Variants in ZNF710 observed in about 807,000 individuals in gnomAD.
ZNF710 encodes zinc finger protein 710.
Under a neutral mutation model 50.6 loss-of-function variants are expected in ZNF710, and 13 were observed. The observed-to-expected ratio is 0.26, with a 90% CI of 0.17 to 0.41. The LOEUF is 0.41. Ranked by LOEUF, ZNF710 falls within the 10% of genes least tolerant of loss-of-function variation. The pLI, the probability that ZNF710 is intolerant of heterozygous loss-of-function variation, is 1.00. For missense variants in ZNF710, 721 were observed against 936.6 expected (o/e 0.77, Z 3.01); for synonymous variants, 383 against 397.0 (o/e 0.96, Z 0.42).
At position 90,067,518 on chromosome 15, in the gene ZNF710, A is replaced by G. The variant is rs1312110780; in HGVS notation, c.381A>G (p.Pro127=). 5 of 1,613,440 alleles carry G rather than the reference A, an allele frequency of 3.1e-6. No individual in the cohort carries two copies. The highest frequency in any genetic ancestry group is 2.2e-5 in the East Asian group (1 of 44,878). ...AGGAGGTCTATGAGGTTTCTGTGCC[A>G]GGTGACGACAAGGACGCAGGGCCAG... ...EEQEVYEVSV[P]GDDKDAGPAE... The change falls in exon 2 of 5, where the codon CCA becomes CCG. Residue 127 remains proline (P), a synonymous_variant. Transcript: ENST00000268154. The surrounding 1 kb of genome is among the most constrained non-coding windows in gnomAD (Gnocchi z 8.1).
At chr15:90,051,372 G>T (rs555597738) in intron 1 of ZNF710, among the ~76,000 whole-genome samples, 2 of 152,036 alleles carry the variant, frequency 1.3e-5, no homozygotes, top group Non-Finnish European at 2.9e-5. Context: ...AGTGGTTCAC[G>T]CCTGCAATCC....
Position 90,075,058 on chromosome 15 carries a change from G to C in ZNF710, c.1825+768G>C, listed in dbSNP as rs78610698. On this transcript the variant is annotated intron_variant, in intron 4 of 4. Coordinates refer to ENST00000268154, the MANE Select transcript of ZNF710 (RefSeq NM_198526.4). ...GTCAGAAAACATCCCAAGTGTTAGC[G>C]GTAGCCTTTCCCTCCAGCAGTGGTC... is the stretch of plus-strand genomic sequence containing the variant. The C allele has an allele frequency of 9.8e-3, 1,578 of 161,534 alleles. 23 individuals are homozygous for C. The highest frequency in any genetic ancestry group is 0.035 in the African/African-American group (1,470 of 41,554). 10.0% of individuals were successfully genotyped at this position (161,534 alleles called of 1,614,324 possible).
intron 2 of ZNF710, among the ~76,000 whole-genome samples, chr15:90,069,349 A>G (rs1900299254): frequency 6.6e-6 from 1 of 152,044 alleles, no homozygotes; most frequent in Admixed American, 6.6e-5. Context: ...CTGAGGTTGC[A>G]GTGAGCTGAA....
intron 1 of ZNF710, among the ~76,000 whole-genome samples, chr15:90,060,475 G>C (rs1325979897): frequency 6.6e-6 from 1 of 151,130 alleles, no homozygotes; most frequent in Non-Finnish European, 1.5e-5. Flanking sequence ...GATTGCCTGA[G>C]CCCAGGAGTT....
intron 1 of ZNF710, among the ~76,000 whole-genome samples, chr15:90,004,062 G>A (rs1484529947): frequency 6.6e-6 from 1 of 152,156 alleles, no homozygotes. Context: ...TGAGTCCTCA[G>A]CCCACGGTGT....
chr15:90,015,841 A>G (rs1425532708), intron 1 of ZNF710, among the ~76,000 whole-genome samples: 1 of 152,054 alleles, frequency 6.6e-6, no homozygotes, highest in African/African-American at 2.4e-5. Flanking sequence ...GAACTCCTGG[A>G]CTCAAGCAAT....
At position 90,033,980 on chromosome 15, in the gene ZNF710, T is replaced by C. The variant is rs1279947523; in HGVS notation, c.-29+32366T>C. 2.6e-5 allele frequency among the ~76,000 whole-genome samples: 4 copies of C among 152,120 alleles called. 1 individual carries two copies. Among genetic ancestry groups the C allele is most frequent in the African/African-American group, 9.7e-5 (4 of 41,426 alleles). ...ACTTCTGAAGGCCGAGGCAGGCAGA[T>C]CACTTGAGGTCAGGAGTTCAAGACC... On this transcript the variant is annotated intron_variant, in intron 1 of 4. Coordinates refer to ENST00000268154, the MANE Select transcript of ZNF710 (RefSeq NM_198526.4).
At chr15:90,079,108 G>T (rs1466402357) in intron 4 of ZNF710, among the ~76,000 whole-genome samples, 1 of 152,200 alleles carries the variant, frequency 6.6e-6, no homozygotes. Flanking sequence ...GTGTGAGGCA[G>T]AGCAGCACAG....
chr15:90,000,784 G>A (rs1445690793), upstream of ZNF710, among the ~76,000 whole-genome samples: 3 of 152,110 alleles, frequency 2.0e-5, no homozygotes, highest in Non-Finnish European at 4.4e-5. Context: ...GGAAGGAACC[G>A]GCACCCAGGA....
At chr15:90,014,418 T>G (rs189624731) in intron 1 of ZNF710, among the ~76,000 whole-genome samples, 48 of 151,746 alleles carry the variant, frequency 3.2e-4, no homozygotes, top group Middle Eastern at 3.4e-3. Context: ...GGTGTGTTCC[T>G]GTAATCCCAG....
rs1171218993 is a variant in ZNF710 at position 90,080,487 on chromosome 15, T to C, written c.*658T>C. On this transcript the variant is annotated 3_prime_UTR_variant, in exon 5 of 5. Coordinates refer to ENST00000268154, the MANE Select transcript of ZNF710 (RefSeq NM_198526.4). ...TCCTACATCCCTTTCTGGAAGTGAGTGTCCCTACAGTGGATTGCAACACAT... is the reference window on the plus strand; with the variant it reads ...TCCTACATCCCTTTCTGGAAGTGAGCGTCCCTACAGTGGATTGCAACACAT... 6.5e-6 allele frequency: 1 copy of C among 152,676 alleles called. No homozygotes were observed. The highest frequency in any genetic ancestry group is 1.5e-5 in the Non-Finnish European group (1 of 68,074). The allele number at this position is 152,676 out of a possible 1,614,324, so 9.5% of individuals were successfully genotyped here. A position where few individuals can be genotyped will look rare whatever the true frequency, so the allele number is the denominator to read the frequency against.
chr15:90,052,756 C>T (rs1899685398), intron 1 of ZNF710, among the ~76,000 whole-genome samples: 1 of 152,122 alleles, frequency 6.6e-6, no homozygotes, highest in Non-Finnish European at 1.5e-5. Context: ...CATGGTGAAA[C>T]CCCATTTCTA....
In ZNF710 at chr15:90,074,118, G is replaced by A. The variant is rs1490454995; in HGVS notation, c.1653G>A (p.Val551=). 1 of 1,612,942 alleles carries A rather than the reference G, an allele frequency of 6.2e-7. No individual in the cohort carries two copies. Among genetic ancestry groups the A allele is most frequent in the African/African-American group, 1.3e-5 (1 of 74,844 alleles). ...HSPVKPFKCK[V]CGKSFNRMYN... is the part of the protein sequence containing the mutation. ...GACACCGGGTTGATGTGTTCTAGGT[G>A]TGCGGGAAGTCCTTCAACCGCATGT... The change falls in exon 4 of 5, where the codon GTG becomes GTA. Residue 551 remains valine, a splice_region_variant and synonymous_variant. Transcript: ENST00000268154.
chr15:90,070,820 A>C (rs1253057087), intron 2 of ZNF710, among the ~76,000 whole-genome samples: 1 of 152,216 alleles, frequency 6.6e-6, no homozygotes, highest in African/African-American at 2.4e-5. Context: ...CTCTGTCTCC[A>C]AAAAGAGAAA....
At chr15:90,071,875 C>T (rs1210989055) in intron 2 of ZNF710, among the ~76,000 whole-genome samples, 1 of 152,014 alleles carries the variant, frequency 6.6e-6, no homozygotes, top group East Asian at 1.9e-4. Flanking sequence ...AGGGTTTCAC[C>T]ATGTTGGCCA....
intron 1 of ZNF710, among the ~76,000 whole-genome samples, chr15:90,005,104 A>G (rs538176406): frequency 5.9e-5 from 9 of 152,358 alleles, no homozygotes; most frequent in African/African-American, 1.7e-4. Context: ...ACTGATTTCC[A>G]TCTGTGGGTT....
intron 1 of ZNF710, among the ~76,000 whole-genome samples, chr15:90,033,880 ACTTT>A (rs1899023463): frequency 6.6e-6 from 1 of 152,166 alleles, no homozygotes; most frequent in Admixed American, 6.5e-5. Flanking sequence ...TGGCCCACTG[ACTTT>A]CTTTCTTTGC....
At chr15:90,064,329 G>T (rs555417040) in intron 1 of ZNF710, among the ~76,000 whole-genome samples, 1 of 152,226 alleles carries the variant, frequency 6.6e-6, no homozygotes, top group African/African-American at 2.4e-5. Context: ...GGGATTTAGC[G>T]GCTATTTATT....
intron 4 of ZNF710, among the ~76,000 whole-genome samples, chr15:90,077,610 T>C (rs1900624151): frequency 6.6e-6 from 1 of 152,096 alleles, no homozygotes; most frequent in Admixed American, 6.6e-5. Context: ...GCACTAGGAC[T>C]GAGGGAAGAA....
Sources: allele counts gnomAD v4.1 joint callset (sites outside exome capture counted in the v4.1 genomes callset), GRCh38; gene constraint gnomAD v4.1.1; non-coding constraint Gnocchi (gnomAD v3.1); transcripts MANE v1.5; gene names NCBI Gene and HGNC (gene_info 2026-07-23, HGNC 2026-07-21).